EIF4E3: variants seen among roughly 807,000 people sequenced by gnomAD.
EIF4E3 encodes the protein eukaryotic translation initiation factor 4E family member 3.
Under a neutral mutation model 31.7 loss-of-function variants are expected in EIF4E3, and 26 were observed. That is an observed-to-expected ratio of 0.82 (90% confidence interval 0.60 to 1.14). EIF4E3 has a LOEUF of 1.14. EIF4E3 is among the 50% of genes most tolerant of loss of function. EIF4E3 has a pLI of 0.00. For missense variants in EIF4E3, 304 were observed against 270.9 expected, an observed-to-expected ratio of 1.12 and a Z score of -0.86; for synonymous variants, 128 against 107.7, an observed-to-expected ratio of 1.19 and a Z score of -1.17.
chr3:71,693,796 G>C, intron 5 of EIF4E3, 79 bp downstream of exon 5: 1 of 1,295,510 alleles, frequency 7.7e-7, no homozygotes, highest in Non-Finnish European at 1.0e-6. Flanking sequence ...TCAAACACGT[G>C]ATAACAAGCT....
rs1405652099 is a variant in EIF4E3, at chr3:71,684,142, G to A, written c.*540C>T. The A allele has an allele frequency of 2.0e-5, 3 of 152,426 alleles. No homozygotes were observed. Among genetic ancestry groups the A allele is most frequent in the East Asian group, 1.9e-4 (1 of 5,192 alleles). 9.4% of individuals were successfully genotyped at this position (152,426 alleles called of 1,614,324 possible). ...ATTAAGTATGGTTTTTCTTTTCCCT[G>A]GGACAGAAAAAAACAATGCCCAGCT... On this transcript the variant is annotated 3_prime_UTR_variant, in exon 7 of 7. Coordinates refer to ENST00000425534, the MANE Select transcript of EIF4E3 (RefSeq NM_001134651.2).
chr3:71,689,838 C>A (rs1468629802), intron 6 of EIF4E3, among the ~76,000 whole-genome samples, 172 bp downstream of exon 6: 2 of 148,364 alleles, frequency 1.3e-5, no homozygotes, highest in Admixed American at 1.4e-4. Context: ...ATTTCTGAGA[C>A]TAAGCTTGTT....
At chr3:71,719,279 T>C (rs559896089) in intron 1 of EIF4E3, among the ~76,000 whole-genome samples, 5 of 152,230 alleles carry the variant, frequency 3.3e-5, no homozygotes, top group East Asian at 1.9e-4. Context: ...ATATACTCAA[T>C]TGATATGATC....
chr3:71,659,773 A>G, the EIF4E3 span, among the ~76,000 whole-genome samples: 1 of 152,222 alleles, frequency 6.6e-6, no homozygotes, highest in African/African-American at 2.4e-5. Flanking sequence ...CTGCTTCTCC[A>G]TCAGGTATTA....
At chr3:71,687,583 C>T (rs991086710) in intron 6 of EIF4E3, among the ~76,000 whole-genome samples, 13 of 152,152 alleles carry the variant, frequency 8.5e-5, no homozygotes, top group East Asian at 5.8e-4. Flanking sequence ...ACAATTCTCA[C>T]ACCAGAAAAG....
upstream of EIF4E3, chr3:71,754,282 C>G (rs1474737290): frequency 6.0e-6 from 7 of 1,165,354 alleles, no homozygotes; most frequent in Non-Finnish European, 7.4e-6. The surrounding 1 kb of genome is among the most constrained non-coding windows in gnomAD (Gnocchi z 5.8). Context: ...GTCATGCTGG[C>G]GGCGCGGCGT....
intron 1 of EIF4E3, among the ~76,000 whole-genome samples, chr3:71,718,282 C>G (rs889983619): frequency 3.3e-5 from 5 of 152,220 alleles, no homozygotes; most frequent in African/African-American, 1.2e-4. Context: ...GCGGCTACAC[C>G]AGCTTCCTGT....
At chr3:71,704,295 G>A (rs193025207) in intron 2 of EIF4E3, among the ~76,000 whole-genome samples, 1 of 152,210 alleles carries the variant, frequency 6.6e-6, no homozygotes, top group East Asian at 1.9e-4. Flanking sequence ...AACCCTGAAA[G>A]GATGGGAGAG....
chr3:71,714,165 T>C lies in EIF4E3; in HGVS notation c.177-3681A>G, dbSNP rs529932272. ...AGGCGGAGGTTGCAGTGAGCCGAGA[T>C]TGCGCCACTGCACTCCAGCCTGGGC... is the stretch of plus-strand genomic sequence containing the variant. On this transcript the variant is annotated intron_variant, in intron 1 of 6. Coordinates refer to ENST00000425534, the MANE Select transcript of EIF4E3 (RefSeq NM_001134651.2). Among the ~76,000 whole-genome samples, 155 of 150,538 alleles carry C rather than the reference T, an allele frequency of 1.0e-3. 3 individuals carry two copies. Among genetic ancestry groups the C allele is most frequent in the African/African-American group, 3.1e-3 (125 of 40,830 alleles).
intron 5 of EIF4E3, among the ~76,000 whole-genome samples, chr3:71,692,695 G>A (rs987058809): frequency 4.6e-5 from 7 of 151,692 alleles, no homozygotes; most frequent in Admixed American, 2.0e-4. Context: ...CTGGGCTCAA[G>A]TGATCCTCCC....
At chr3:71,715,458 A>G (rs1247168114) in intron 1 of EIF4E3, among the ~76,000 whole-genome samples, 1 of 152,238 alleles carries the variant, frequency 6.6e-6, no homozygotes, top group Non-Finnish European at 1.5e-5. Flanking sequence ...CAAAGAAACA[A>G]TGTTCATATC....
intron 2 of EIF4E3, among the ~76,000 whole-genome samples, chr3:71,703,720 G>C (rs2049250267): frequency 7.1e-6 from 1 of 139,968 alleles, no homozygotes. Flanking sequence ...AAATTCTTCA[G>C]AAGAAAAGAT....
chr3:71,723,731 T>TGCA (rs1329745826), intron 1 of EIF4E3, among the ~76,000 whole-genome samples: 7 of 152,190 alleles, frequency 4.6e-5, no homozygotes, highest in Non-Finnish European at 1.0e-4. Context: ...ATAGCACAGT[T>TGCA]GCAGCACACC....
At chr3:71,691,336 T>C (rs1325321586) in intron 5 of EIF4E3, among the ~76,000 whole-genome samples, 2 of 152,218 alleles carry the variant, frequency 1.3e-5, no homozygotes, top group Admixed American at 6.5e-5. Context: ...TAAAAACATA[T>C]CCAATTTACT....
At chr3:71,672,344 T>TAA (rs2048850853), downstream of EIF4E3, among the ~76,000 whole-genome samples, 3 of 152,214 alleles carry the variant, frequency 2.0e-5, no homozygotes, top group Admixed American at 1.3e-4. Context: ...ACTTTGCTCT[T>TAA]GAGAAAAGGT....
In EIF4E3 at chr3:71,684,576, A is replaced by C. The variant is rs747816857; in HGVS notation, c.*106T>G. 3.2e-5 allele frequency: 45 copies of C among 1,415,370 alleles called. No individual in the cohort carries two copies. Among genetic ancestry groups the C allele is most frequent in the Non-Finnish European group, 4.1e-5 (42 of 1,013,832 alleles). The allele number at this position is 1,415,370 out of a possible 1,614,324, so 87.7% of individuals were successfully genotyped here. A position where few individuals can be genotyped will look rare whatever the true frequency, so the allele number is the denominator to read the frequency against. On this transcript the variant is annotated 3_prime_UTR_variant, in exon 7 of 7. Coordinates refer to ENST00000425534, the MANE Select transcript of EIF4E3 (RefSeq NM_001134651.2). The stretch of plus-strand genomic sequence containing the variant: ...TCTGCAAGGACAGAAACCCACTCTA[A>C]ATTGACCAGCATCGGCTTCGGCAAG...
chr3:71,749,209 G>T (rs1435218187), intron 1 of EIF4E3, among the ~76,000 whole-genome samples: 1 of 152,202 alleles, frequency 6.6e-6, no homozygotes, highest in Non-Finnish European at 1.5e-5. Context: ...CAAGAGACTT[G>T]CCCAATGAGC....
At chr3:71,673,193 T>A (rs1473547628), downstream of EIF4E3, among the ~76,000 whole-genome samples, 3 of 152,236 alleles carry the variant, frequency 2.0e-5, no homozygotes, top group East Asian at 5.8e-4. Flanking sequence ...AGTGTCATAT[T>A]TCTTGTTCAG....
Position 71,707,216 on chromosome 3 carries a change from G to A in EIF4E3, c.249+3196C>T, listed in dbSNP as rs145921508. 5.1e-3 allele frequency among the ~76,000 whole-genome samples: 771 copies of A among 152,266 alleles called. 3 individuals carry two copies. The highest frequency in any genetic ancestry group is 8.5e-3 in the Non-Finnish European group (580 of 68,014). On this transcript the variant is annotated intron_variant, in intron 2 of 6. Coordinates refer to ENST00000425534, the MANE Select transcript of EIF4E3 (RefSeq NM_001134651.2). ...ATTGTATCATTTAAGTCTCATAACA[G>A]CATGATAAAATTACCATCACAATTA...
Sources: allele counts gnomAD v4.1 joint callset (sites outside exome capture counted in the v4.1 genomes callset), GRCh38; gene constraint gnomAD v4.1.1; non-coding constraint Gnocchi (gnomAD v3.1); transcripts MANE v1.5; gene names NCBI Gene and HGNC (gene_info 2026-07-23, HGNC 2026-07-21).